NKAIN2: variants seen among roughly 807,000 people sequenced by gnomAD.
NKAIN2 encodes sodium/potassium-transporting ATPase subunit beta-1-interacting protein 2.
A neutral mutation model predicts 32.6 loss-of-function variants in NKAIN2; 14 were observed. The observed-to-expected ratio is 0.43, with a 90% CI of 0.28 to 0.67. The LOEUF is 0.67. NKAIN2 is among the 30% of genes least tolerant of loss of function. NKAIN2 has a pLI of 0.17. For synonymous variants in NKAIN2, 80 were observed against 87.2 expected, an observed-to-expected ratio of 0.92 and a Z score of 0.46; for missense variants, 198 against 258.3, an observed-to-expected ratio of 0.77 and a Z score of 1.60.
intron 1 of NKAIN2, among the ~76,000 whole-genome samples, chr6:123,988,066 A>G (rs1779225998): frequency 6.6e-6 from 1 of 152,218 alleles, no homozygotes; most frequent in African/African-American, 2.4e-5. Context: ...CACGTTTTAT[A>G]TGCATTTCTT....
chr6:124,390,702 AAAT>A (rs1315035497), intron 3 of NKAIN2: 3 of 152,124 alleles, frequency 2.0e-5, no homozygotes, highest in African/African-American at 7.2e-5. Context: ...CTTGCCCAGA[AAAT>A]AATGATAGGT....
intron 4 of NKAIN2, among the ~76,000 whole-genome samples, chr6:124,729,797 TA>T (rs1776563002): frequency 6.6e-6 from 1 of 151,946 alleles, no homozygotes; most frequent in Admixed American, 6.6e-5. Flanking sequence ...CATGATTGTA[TA>T]TCTAGAAAAC....
At chr6:124,095,655 T>C (rs1364485164) in intron 1 of NKAIN2, among the ~76,000 whole-genome samples, 1 of 152,170 alleles carries the variant, frequency 6.6e-6, no homozygotes, top group Non-Finnish European at 1.5e-5. Flanking sequence ...TAATAATGTA[T>C]TCCACTTACC....
intron 1 of NKAIN2, among the ~76,000 whole-genome samples, chr6:123,890,844 A>G (rs1773973475): frequency 6.6e-6 from 1 of 152,152 alleles, no homozygotes; most frequent in Admixed American, 6.6e-5. Context: ...TATACTTATA[A>G]GAATTGAAAA....
At chr6:123,987,808 A>G (rs1034097982) in intron 1 of NKAIN2, among the ~76,000 whole-genome samples, 7 of 152,108 alleles carry the variant, frequency 4.6e-5, no homozygotes, top group African/African-American at 1.7e-4. Context: ...CATATTAGAT[A>G]AGCACCACCG....
intron 3 of NKAIN2, among the ~76,000 whole-genome samples, chr6:124,569,630 C>T (rs1218027947): frequency 2.6e-5 from 4 of 152,182 alleles, no homozygotes; most frequent in Non-Finnish European, 5.9e-5. Context: ...TCCTCATTCT[C>T]TCTTGTTGCC....
chr6:124,295,061 G>C (rs1490045420), intron 2 of NKAIN2, among the ~76,000 whole-genome samples: 2 of 152,122 alleles, frequency 1.3e-5, no homozygotes, highest in African/African-American at 2.4e-5. Context: ...CCTTGGAAGT[G>C]AAGCGACTAC....
chr6:124,063,680 T>C (rs1381707771), intron 1 of NKAIN2, among the ~76,000 whole-genome samples: 1 of 152,128 alleles, frequency 6.6e-6, no homozygotes, highest in Admixed American at 6.5e-5. Context: ...CAGAACTATA[T>C]ATTTGGTTTA....
chr6:124,202,943 TA>T (rs1790666118), intron 1 of NKAIN2, among the ~76,000 whole-genome samples: 1 of 151,978 alleles, frequency 6.6e-6, no homozygotes, highest in Non-Finnish European at 1.5e-5. Context: ...GTGTACTCAC[TA>T]ATTTAGCACA....
At chr6:124,444,295 A>G (rs571183204) in intron 3 of NKAIN2, among the ~76,000 whole-genome samples, 1 of 152,190 alleles carries the variant, frequency 6.6e-6, no homozygotes, top group South Asian at 2.1e-4. Context: ...CTTCAAAAAA[A>G]TGTTTATTAG....
intron 5 of NKAIN2, among the ~76,000 whole-genome samples, chr6:124,805,343 C>T (rs1780492828): frequency 2.0e-5 from 3 of 152,220 alleles, no homozygotes; most frequent in East Asian, 3.9e-4. Context: ...CAAAAAACCA[C>T]TGTTCTGCAG....
chr6:124,818,291 AT>A, intron 5 of NKAIN2, 95 bp from the exon 6 acceptor site: 1 of 526,370 alleles, frequency 1.9e-6, no homozygotes, highest in Non-Finnish European at 3.5e-6. Context: ...TTAATAGATT[AT>A]TACTAATAAA....
At chr6:124,438,504 G>T (rs931986331) in intron 3 of NKAIN2, among the ~76,000 whole-genome samples, 2 of 152,146 alleles carry the variant, frequency 1.3e-5, no homozygotes, top group Non-Finnish European at 2.9e-5. Context: ...CTGAGAGATA[G>T]AGATAGATAC....
At chr6:124,515,636 T>A (rs76230531) in intron 3 of NKAIN2, among the ~76,000 whole-genome samples, 12,617 of 151,132 alleles carry the variant, frequency 0.083, 576 homozygotes, top group East Asian at 0.15. Context: ...ACATTAGGGA[T>A]CAGATTTCAA....
chr6:124,502,695 T>G (rs951755863), intron 3 of NKAIN2, among the ~76,000 whole-genome samples: 6 of 152,206 alleles, frequency 3.9e-5, no homozygotes, highest in African/African-American at 1.2e-4. Context: ...TTCCCTCATT[T>G]TTTTCAGAAG....
intron 3 of NKAIN2, among the ~76,000 whole-genome samples, chr6:124,626,392 A>ATGAT (rs1016836608): frequency 3.3e-5 from 5 of 152,170 alleles, no homozygotes; most frequent in African/African-American, 1.2e-4. Context: ...TCACAGAGAC[A>ATGAT]TGATATAATC....
intron 3 of NKAIN2, among the ~76,000 whole-genome samples, chr6:124,645,045 T>C (rs2096847630): frequency 6.6e-6 from 1 of 152,212 alleles, no homozygotes; most frequent in South Asian, 2.1e-4. Flanking sequence ...GTTGAAGATA[T>C]ACACTTACTT....
At chr6:124,002,299 A>G (rs1249030478) in intron 1 of NKAIN2, among the ~76,000 whole-genome samples, 1 of 152,138 alleles carries the variant, frequency 6.6e-6, no homozygotes, top group East Asian at 1.9e-4. Flanking sequence ...AAAAATGGTA[A>G]TAATATAAGG....
intron 1 of NKAIN2, among the ~76,000 whole-genome samples, chr6:124,122,121 T>A (rs1157648373): frequency 6.6e-6 from 1 of 152,126 alleles, no homozygotes; most frequent in Non-Finnish European, 1.5e-5. Context: ...ATGCATGGTA[T>A]TGAAGACAAC....
Sources: gnomAD v4.1 joint callset for allele counts (sites outside exome capture counted in the v4.1 genomes callset) on GRCh38, gnomAD v4.1.1 for gene constraint, MANE v1.5 for transcripts, NCBI Gene and HGNC (gene_info 2026-07-23, HGNC 2026-07-21) for gene names.